The following GPHN variants were observed in gnomAD, a reference collection of about 807,000 sequenced individuals.
The protein encoded by GPHN is gephyrin.
A neutral mutation model predicts 95.5 loss-of-function variants in GPHN; 17 were observed. The observed-to-expected ratio is 0.18, with a 90% confidence interval of 0.12 to 0.27. The LOEUF (loss-of-function observed/expected upper bound fraction) is 0.27. GPHN is among the 10% of genes least tolerant of loss of function. The probability of loss-of-function intolerance (pLI) is 1.00; values close to 1 mark genes in which losing one functional copy is unlikely to be tolerated. For synonymous variants in GPHN, 320 were observed against 322.5 expected (o/e 0.99, Z 0.08); for missense variants, 660 against 978.1 (o/e 0.67, Z 4.34).
chr14:67,266,626 GA>G, the GPHN span, among the ~76,000 whole-genome samples: 2 of 151,896 alleles, frequency 1.3e-5, no homozygotes, highest in African/African-American at 4.8e-5. Context: ...TCGCCCAGCT[GA>G]AATATTTCAG....
At chr14:66,846,586 A>G (rs1363632258) in intron 4 of GPHN, among the ~76,000 whole-genome samples, 7 of 152,208 alleles carry the variant, frequency 4.6e-5, no homozygotes, top group Admixed American at 1.3e-4. Flanking sequence ...TTCAGGAAGA[A>G]GAATGTAATA....
chr14:67,571,746 TTGC>T, the GPHN span: 1 of 1,612,022 alleles, frequency 6.2e-7, no homozygotes, highest in Non-Finnish European at 8.5e-7. Flanking sequence ...GGGGCCTGTC[TTGC>T]AGAGAGCTAC....
At chr14:67,379,985 G>A in the GPHN span, among the ~76,000 whole-genome samples, 2 of 152,022 alleles carry the variant, frequency 1.3e-5, no homozygotes, top group Non-Finnish European at 2.9e-5. Context: ...ATGAACTCCT[G>A]GTCTCCAGTG....
chr14:67,442,967 C>G, the GPHN span, among the ~76,000 whole-genome samples: 2 of 152,312 alleles, frequency 1.3e-5, no homozygotes, highest in East Asian at 3.9e-4. Context: ...TCCCTGTAAT[C>G]CCAGCAGTTT....
At chr14:67,200,139 TC>T in the GPHN span, 1 of 1,112,962 alleles carries the variant, frequency 9.0e-7, no homozygotes, top group South Asian at 1.5e-5. Flanking sequence ...CATTCTGATC[TC>T]CCATGGGTCA....
At position 66,776,486 on chromosome 14, in the gene GPHN, T is replaced by C; in HGVS notation, c.166T>C (p.Tyr56His). 1 of 1,577,864 alleles carries C rather than the reference T, an allele frequency of 6.3e-7. No homozygotes were observed. The highest frequency in any genetic ancestry group is 8.7e-7 in the Non-Finnish European group (1 of 1,148,716). The change falls in exon 3 of 23, where the codon TAC becomes CAC. Residue 56 changes from tyrosine to histidine, a missense_variant. Tyr to His is a moderately conservative substitution (Grantham distance 83). This residue lies in a region of GPHN where 92 missense variants were observed against 91.9 expected (regional missense o/e 1.00). Transcript: ENST00000478722. The stretch of plus-strand genomic sequence containing the variant: ...CAGGTTGGGTGGGACTATATCAGCA[T>C]ACAAGATAGTACCAGATGAAATAGA... ...PSLLGGTISAYKIVPDEIEEI... is the reference protein window; with the variant it reads ...PSLLGGTISAHKIVPDEIEEI...
At chr14:67,665,256 T>C in the GPHN span, among the ~76,000 whole-genome samples, 1 of 133,570 alleles carries the variant, frequency 7.5e-6, no homozygotes, top group Non-Finnish European at 1.6e-5. Context: ...ATGTCAGTTA[T>C]ATCTTTTTTT....
chr14:66,914,962 A>G (rs1405967724), intron 5 of GPHN, among the ~76,000 whole-genome samples: 3 of 152,142 alleles, frequency 2.0e-5, no homozygotes, highest in Admixed American at 6.5e-5. Context: ...ATTAAGATTA[A>G]AGGTCAGAAA....
At chr14:67,523,133 G>A in the GPHN span, among the ~76,000 whole-genome samples, 3 of 152,110 alleles carry the variant, frequency 2.0e-5, no homozygotes, top group Non-Finnish European at 4.4e-5. Flanking sequence ...GACCAGCCTG[G>A]CCAACATGGT....
the GPHN span, among the ~76,000 whole-genome samples, chr14:67,479,791 C>G: frequency 6.6e-6 from 1 of 152,168 alleles, no homozygotes; most frequent in Non-Finnish European, 1.5e-5. Flanking sequence ...AGAAGGTGTT[C>G]AATGAATTTG....
chr14:66,931,453 G>C (rs4086004), intron 8 of GPHN, among the ~76,000 whole-genome samples: 2,088 of 150,254 alleles, frequency 0.014, 28 homozygotes, highest in Middle Eastern at 0.017. Flanking sequence ...CCTGATCTCA[G>C]TCTCTCTCTC....
At chr14:66,619,429 CTTA>C (rs2063191036) in intron 1 of GPHN, among the ~76,000 whole-genome samples, 1 of 147,760 alleles carries the variant, frequency 6.8e-6, no homozygotes, top group African/African-American at 2.5e-5. Flanking sequence ...CTAGTTGTAT[CTTA>C]TTATAATTTT....
At position 66,681,194 on chromosome 14, in the gene GPHN, T is replaced by A; in HGVS notation, c.143+9T>A. ...GTACAAGATCCTTCTTTGTGAGTAT[T>A]GTGCTTTCAGTATTAAGTATAAATT... On this transcript the variant is annotated intron_variant, in intron 2 of 22. Coordinates refer to ENST00000478722, the MANE Select transcript of GPHN (RefSeq NM_020806.5). 1 of 1,506,242 alleles carries A rather than the reference T, an allele frequency of 6.6e-7. No homozygotes were observed. Among genetic ancestry groups the A allele is most frequent in the Non-Finnish European group, 9.2e-7 (1 of 1,083,900 alleles). 93.3% of individuals were successfully genotyped at this position (1,506,242 alleles called of 1,614,324 possible).
chr14:67,663,440 G>A, the GPHN span, among the ~76,000 whole-genome samples: 1 of 152,080 alleles, frequency 6.6e-6, no homozygotes, highest in Non-Finnish European at 1.5e-5. Context: ...TTGGGAGGCC[G>A]AGGCGGGCGG....
chr14:67,733,920 C>A, the GPHN span: 1 of 1,143,158 alleles, frequency 8.7e-7, no homozygotes, highest in Non-Finnish European at 1.3e-6. Flanking sequence ...AGAAGGCCAA[C>A]CCTAAAGGAT....
chr14:66,872,407 G>T (rs1158943673), intron 4 of GPHN, among the ~76,000 whole-genome samples: 6 of 152,078 alleles, frequency 3.9e-5, no homozygotes, highest in African/African-American at 1.4e-4. Context: ...GACTGGAAAT[G>T]GATTAAGTCA....
At chr14:66,958,749 A>G (rs2068699286) in intron 8 of GPHN, among the ~76,000 whole-genome samples, 1 of 152,194 alleles carries the variant, frequency 6.6e-6, no homozygotes, top group Non-Finnish European at 1.5e-5. Flanking sequence ...AAATGCCATT[A>G]TGCAATGCAT....
chr14:66,732,855 C>T (rs1244427002), intron 2 of GPHN, among the ~76,000 whole-genome samples: 1 of 152,126 alleles, frequency 6.6e-6, no homozygotes, highest in Non-Finnish European at 1.5e-5. Flanking sequence ...AAGGGACTTG[C>T]CTGTCTCAGA....
At chr14:66,764,966 A>G (rs1395308512) in intron 2 of GPHN, among the ~76,000 whole-genome samples, 5 of 152,204 alleles carry the variant, frequency 3.3e-5, no homozygotes, top group Non-Finnish European at 5.9e-5. Context: ...AGTTGCTTTA[A>G]ATGATTTAAA....
Sources: gnomAD v4.1 joint callset for allele counts (sites outside exome capture counted in the v4.1 genomes callset) on GRCh38, gnomAD v4.1.1 for gene constraint, gnomAD v4.1.1 regional missense constraint, MANE v1.5 for transcripts, NCBI Gene and HGNC (gene_info 2026-07-23, HGNC 2026-07-21) for gene names.